Variants in ANK3 observed in about 807,000 individuals in gnomAD.
The protein encoded by ANK3 is ankyrin 3.
In ANK3, 57 loss-of-function variants were observed where a neutral mutation model predicts 370.9. The observed-to-expected ratio is 0.15, with a 90% confidence interval of 0.12 to 0.19. ANK3 has a LOEUF of 0.19. ANK3 is among the 10% of genes least tolerant of loss of function. ANK3 has a pLI of 1.00. For synonymous variants in ANK3, 1,929 were observed against 1,946.3 expected, an observed-to-expected ratio of 0.99 and a Z score of 0.23; for missense variants, 4,439 against 5,302.1, an observed-to-expected ratio of 0.84 and a Z score of 5.06.
intron 8 of ANK3, among the ~76,000 whole-genome samples, chr10:60,225,165 A>C (rs2097120419): frequency 1.3e-5 from 2 of 152,066 alleles, no homozygotes; most frequent in Admixed American, 1.3e-4. Flanking sequence ...CTCTCACGTC[A>C]GCTTCCAAAA....
At position 60,322,620 on chromosome 10, in the gene ANK3, G is replaced by A. The variant is rs1481825894; in HGVS notation, c.115-42981C>T. Among the ~76,000 whole-genome samples, 7 of 151,834 alleles carry A rather than the reference G, an allele frequency of 4.6e-5. 1 individual carries two copies. Among genetic ancestry groups the A allele is most frequent in the African/African-American group, 7.3e-5 (3 of 41,290 alleles). On this transcript the variant is annotated intron_variant, in intron 1 of 43. Coordinates refer to ENST00000280772, the MANE Select transcript of ANK3 (RefSeq NM_020987.5). The stretch of plus-strand genomic sequence containing the variant: ...CATTAATCAACTTTTTTAAGCATCC[G>A]TGCAACTCTCTTAGCAGATTTTTTT...
chr10:60,074,912 A>G lies in ANK3; in HGVS notation c.5969T>C (p.Ile1990Thr). The G allele has an allele frequency of 6.2e-7, 1 of 1,614,004 alleles. No individual in the cohort carries two copies. The highest frequency in any genetic ancestry group is 1.1e-5 in the South Asian group (1 of 91,044). The change falls in exon 37 of 44, where the codon ATA (isoleucine) becomes ACA (threonine). Residue 1990 changes from isoleucine to threonine, a missense_variant. This residue lies in a region of ANK3 where 679 missense variants were observed against 791.0 expected (regional missense o/e 0.86). Transcript: ENST00000280772. ...DKGHSPEDDWIEFSSEEIREA... is the reference protein window; with the variant it reads ...DKGHSPEDDWTEFSSEEIREA... ...CCGGATTTCTTCCGAACTAAATTCT[A>G]TCCAGTCATCTTCAGGAGAGTGTCC... is the stretch of plus-strand genomic sequence containing the variant.
intron 27 of ANK3, chr10:60,108,347 A>G (rs1336037800): frequency 3.7e-6 from 1 of 268,224 alleles, no homozygotes. Context: ...ACAAACTGTC[A>G]GTCACGACAG....
chr10:60,552,625 G>A (rs577502358), intron 2 of ANK3, among the ~76,000 whole-genome samples: 1 of 152,310 alleles, frequency 6.6e-6, no homozygotes, highest in African/African-American at 2.4e-5. Flanking sequence ...CTAGTTTGCT[G>A]TAGAGTCTTG....
chr10:60,231,545 G>A (rs1440573220), intron 8 of ANK3, among the ~76,000 whole-genome samples: 1 of 152,174 alleles, frequency 6.6e-6, no homozygotes, highest in Non-Finnish European at 1.5e-5. Context: ...TGGGTAGTTA[G>A]AACTTGTTTT....
chr10:60,351,078 A>G (rs2056768354), intron 1 of ANK3, among the ~76,000 whole-genome samples: 1 of 152,196 alleles, frequency 6.6e-6, no homozygotes, highest in Non-Finnish European at 1.5e-5. Context: ...GACAAAGGCC[A>G]GGCTTACTTC....
At position 60,060,329 on chromosome 10, in the gene ANK3, C is replaced by CTT. The variant is rs2080148452; in HGVS notation, c.12596-900_12596-899insAA. ...TATATATTTAAGTTTATATAAAGAC[C>CTT]AATATAAAGTTAGTTGTCATTACAT... On this transcript the variant is annotated intron_variant, in intron 40 of 43. Transcript: ENST00000280772. 2.3e-5 allele frequency: 4 copies of CTT among 171,786 alleles called. No individual in the cohort carries two copies. The South Asian group carries it at 7.4e-4, about 32-fold the overall frequency. The allele number at this position is 171,786 out of a possible 1,614,324, so 10.6% of individuals were successfully genotyped here. A position where few individuals can be genotyped will look rare whatever the true frequency, so the allele number is the denominator to read the frequency against.
At chr10:60,514,811 A>G (rs1455853109) in intron 2 of ANK3, among the ~76,000 whole-genome samples, 1 of 152,134 alleles carries the variant, frequency 6.6e-6, no homozygotes, top group African/African-American at 2.4e-5. Context: ...AGTTGCTTCT[A>G]TGTCAACTTA....
At chr10:60,638,207 TC>T (rs1324835803) in intron 1 of ANK3, among the ~76,000 whole-genome samples, 1 of 152,162 alleles carries the variant, frequency 6.6e-6, no homozygotes, top group African/African-American at 2.4e-5. Context: ...GCTGAAAAGT[TC>T]CTAGAGATTA....
At position 60,069,770 on chromosome 10, in the gene ANK3, T is replaced by C. The variant is rs1486052966; in HGVS notation, c.11111A>G (p.Lys3704Arg). 14 of 1,613,836 alleles carry C rather than the reference T, an allele frequency of 8.7e-6. No homozygotes were observed. The highest frequency in any genetic ancestry group is 1.1e-5 in the Non-Finnish European group (13 of 1,179,980). ...AGAGGTGTTAGTGGCTGCTGCTGAT[T>C]TCTCCAGGGAGCCACTACTGGATGT... The part of the protein sequence containing the change: ...EGTSSSGSLE[K>R]SAAATNTSKV... The change falls in exon 37 of 44, where the codon AAA becomes AGA. Residue 3704 changes from lysine to arginine, a missense_variant. By Grantham distance (26) the Lys-to-Arg change is conservative. Transcript: ENST00000280772.
chr10:60,540,967 A>C (rs2076834142), intron 2 of ANK3, among the ~76,000 whole-genome samples: 2 of 152,098 alleles, frequency 1.3e-5, no homozygotes, highest in South Asian at 4.1e-4. Flanking sequence ...CTAAGTGAAA[A>C]ATTGGAAATA....
chr10:60,481,669 G>A (rs549917889), intron 2 of ANK3, among the ~76,000 whole-genome samples: 12 of 152,130 alleles, frequency 7.9e-5, no homozygotes, highest in African/African-American at 2.2e-4. Flanking sequence ...TCACCATGTT[G>A]GCCAGGCTGG....
chr10:60,567,090 T>A (rs1230026770), intron 2 of ANK3, among the ~76,000 whole-genome samples: 2 of 152,196 alleles, frequency 1.3e-5, no homozygotes. Flanking sequence ...TATAGCAAGT[T>A]ATCCAGAAGA....
At chr10:60,343,404 A>G (rs1407221037) in intron 1 of ANK3, among the ~76,000 whole-genome samples, 2 of 152,160 alleles carry the variant, frequency 1.3e-5, no homozygotes, top group Non-Finnish European at 2.9e-5. Context: ...AGACTTAGGA[A>G]TTTAAAGTTA....
chr10:60,693,623 C>G (rs1246476175), intron 1 of ANK3, among the ~76,000 whole-genome samples: 1 of 152,088 alleles, frequency 6.6e-6, no homozygotes, highest in Non-Finnish European at 1.5e-5. Flanking sequence ...CTGGGAGGCA[C>G]CCCCCAGCAG....
chr10:60,137,869 C>T (rs1426450110), intron 24 of ANK3, among the ~76,000 whole-genome samples: 2 of 152,098 alleles, frequency 1.3e-5, no homozygotes. Flanking sequence ...ATCTCAAGAA[C>T]CTTAAAAGTT....
intron 9 of ANK3, among the ~76,000 whole-genome samples, chr10:60,210,257 T>C (rs371328358): frequency 6.6e-6 from 1 of 152,082 alleles, no homozygotes; most frequent in South Asian, 2.1e-4. Context: ...AATTTCAAGA[T>C]GGTGTTAAAA....
At chr10:60,388,364 C>T (rs1397888463) in intron 1 of ANK3, among the ~76,000 whole-genome samples, 1 of 152,082 alleles carries the variant, frequency 6.6e-6, no homozygotes, top group African/African-American at 2.4e-5. Context: ...ATGGTCACTC[C>T]TGAAGAGGGG....
intron 1 of ANK3, among the ~76,000 whole-genome samples, chr10:60,312,677 G>A (rs1308744641): frequency 3.3e-5 from 5 of 152,100 alleles, no homozygotes; most frequent in Admixed American, 6.5e-5. Flanking sequence ...AACAGGTTTC[G>A]CATCTCCCTT....
Sources: allele counts gnomAD v4.1 joint callset (sites outside exome capture counted in the v4.1 genomes callset), GRCh38; gene constraint gnomAD v4.1.1; regional missense constraint gnomAD v4.1.1; transcripts MANE v1.5; gene names NCBI Gene and HGNC (gene_info 2026-07-23, HGNC 2026-07-21).